The following WDR19 variants were observed in gnomAD, a reference collection of about 807,000 sequenced individuals.
WDR19 encodes the protein WD repeat-containing protein 19.
Under a neutral mutation model 180.0 loss-of-function variants are expected in WDR19, and 121 were observed. The ratio of observed to expected loss-of-function variants is 0.67; its 90% CI spans 0.58 to 0.78. WDR19 has a LOEUF of 0.78. WDR19 is among the 30% of genes least tolerant of loss of function. The pLI, the probability that WDR19 is intolerant of heterozygous loss-of-function variation, is 0.00. For missense variants in WDR19, 1,450 were observed against 1,640.7 expected (o/e 0.88, Z 2.01); for synonymous variants, 497 against 540.7 (o/e 0.92, Z 1.12).
intron 36 of WDR19, among the ~76,000 whole-genome samples, chr4:39,281,236 T>G (rs4524397): frequency 0.51 from 53,094 of 103,898 alleles, 13,879 homozygotes; most frequent in Admixed American, 0.55. Flanking sequence ...TATATATATA[T>G]AGAGAGAGAG....
chr4:39,264,966 G>A (rs1440580950), intron 28 of WDR19, among the ~76,000 whole-genome samples: 1 of 147,550 alleles, frequency 6.8e-6, no homozygotes, highest in Non-Finnish European at 1.5e-5. Flanking sequence ...CGCCCAGGCC[G>A]GAGTGCAGGG....
rs540566663 is a variant in WDR19 at position 39,186,760 on chromosome 4, A to G, written c.164+156A>G. ...AGCCATAAGTAGTTATGAAATATGT[A>G]GAGATATAGCATGAATTAGAGTTTC... On this transcript the variant is annotated intron_variant, in intron 3 of 36. Transcript: ENST00000399820. 2.6e-4 allele frequency among the ~76,000 whole-genome samples: 40 copies of G among 152,324 alleles called. No individual in the cohort carries two copies. In the East Asian group the frequency reaches 6.9e-3, roughly 26 times the overall value.
chr4:39,228,113 A>C (rs1730465752), intron 15 of WDR19, 97 bp from the exon 16 acceptor site: 4 of 1,385,124 alleles, frequency 2.9e-6, no homozygotes, highest in Non-Finnish European at 4.0e-6. Context: ...TGACTCAGTA[A>C]GCTAAGCCAG....
chr4:39,281,325 A>G (rs1169207983), intron 36 of WDR19, among the ~76,000 whole-genome samples: 1 of 151,242 alleles, frequency 6.6e-6, no homozygotes. Flanking sequence ...TAGATCTGCA[A>G]TTTATCTTGA....
Position 39,194,529 on chromosome 4 carries a change from A to G in WDR19, c.291-15A>G. On this transcript the variant is annotated splice_polypyrimidine_tract_variant and intron_variant, in intron 4 of 36. Coordinates refer to ENST00000399820, the MANE Select transcript of WDR19 (RefSeq NM_025132.4). The stretch of plus-strand genomic sequence containing the variant: ...GATCGTGAATTGTTTAGTAATTTAT[A>G]TCTTAATGTTACAGGGATCAAATGT... The G allele has an allele frequency of 6.4e-7, 1 of 1,550,908 alleles. No homozygotes were observed. Among genetic ancestry groups the G allele is most frequent in the Non-Finnish European group, 8.9e-7 (1 of 1,129,176 alleles).
chr4:39,194,730 G>A (rs1346981716), intron 5 of WDR19, 71 bp downstream of exon 5: 8 of 1,222,614 alleles, frequency 6.5e-6, no homozygotes, highest in South Asian at 4.0e-5. Flanking sequence ...GCCGCCTCAG[G>A]TTTCCCTGAT....
At chr4:39,252,911 G>A (rs1733384680) in intron 24 of WDR19, among the ~76,000 whole-genome samples, 2 of 152,002 alleles carry the variant, frequency 1.3e-5, no homozygotes, top group Admixed American at 1.3e-4. Flanking sequence ...ATATAGCTTT[G>A]ATTCAGATGG....
At chr4:39,254,573 A>AT (rs547365543) in intron 26 of WDR19, among the ~76,000 whole-genome samples, 216 of 152,020 alleles carry the variant, frequency 1.4e-3, no homozygotes, top group Non-Finnish European at 2.5e-3. Flanking sequence ...TAATTTTCAG[A>AT]TTTTCATTTC....
chr4:39,284,302 C>T (rs1736906835), intron 36 of WDR19, among the ~76,000 whole-genome samples: 1 of 147,064 alleles, frequency 6.8e-6, no homozygotes, highest in South Asian at 2.2e-4. Flanking sequence ...TTCTAGTTCA[C>T]TGACCTTTCT....
In WDR19 at chr4:39,253,093, T is replaced by C. The variant is rs1733402904; in HGVS notation, c.2730-53T>C. On this transcript the variant is annotated intron_variant, in intron 24 of 36. Transcript: ENST00000399820. ...GTGTCCTAAACATTTATCAACATTT[T>C]CTCCCCAAATTGACAGTGTTAAAAA... 3.3e-6 allele frequency: 5 copies of C among 1,507,396 alleles called. No homozygotes were observed. The East Asian group carries it at 7.2e-5, about 22-fold the overall frequency. 93.4% of individuals were successfully genotyped at this position (1,507,396 alleles called of 1,614,324 possible).
chr4:39,204,016 A>AT, intron 7 of WDR19, among the ~76,000 whole-genome samples: 1 of 151,942 alleles, frequency 6.6e-6, no homozygotes, highest in Middle Eastern at 3.4e-3. Flanking sequence ...TAATTCATAT[A>AT]TTATTTTTAA....
At chr4:39,209,711 CAAA>C (rs71192833) in intron 9 of WDR19, among the ~76,000 whole-genome samples, 2 of 108,682 alleles carry the variant, frequency 1.8e-5, no homozygotes, top group Admixed American at 9.4e-5. Context: ...GACTCTGTCT[CAAA>C]AAAAAAAAAA....
intron 1 of WDR19, 63 bp from the exon 2 acceptor site, chr4:39,185,663 C>A (rs1208923510): frequency 2.1e-6 from 3 of 1,453,878 alleles, no homozygotes; most frequent in African/African-American, 1.4e-5. Context: ...TGTTTTGATA[C>A]CTTTTCTGAT....
At chr4:39,261,938 A>T (rs1411924178) in intron 28 of WDR19, among the ~76,000 whole-genome samples, 1 of 151,976 alleles carries the variant, frequency 6.6e-6, no homozygotes, top group African/African-American at 2.4e-5. Flanking sequence ...TTACTACTGG[A>T]TTTTTTTTCA....
At chr4:39,220,595 C>A (rs1330163378) in intron 14 of WDR19, among the ~76,000 whole-genome samples, 1 of 91,434 alleles carries the variant, frequency 1.1e-5, no homozygotes, top group Non-Finnish European at 1.9e-5. Context: ...GAGACAGAGT[C>A]TCTCTCTGTC....
chr4:39,262,921 A>G (rs1396332025), intron 28 of WDR19, among the ~76,000 whole-genome samples: 1 of 151,788 alleles, frequency 6.6e-6, no homozygotes, highest in Non-Finnish European at 1.5e-5. Context: ...TTTCTTGGGG[A>G]CCTTCCCCTG....
intron 28 of WDR19, among the ~76,000 whole-genome samples, chr4:39,259,700 T>G (rs1369308211): frequency 6.6e-6 from 1 of 152,224 alleles, no homozygotes; most frequent in Non-Finnish European, 1.5e-5. Flanking sequence ...ATACTGCTAT[T>G]AACATTTGTG....
At chr4:39,204,070 G>A (rs191656405) in intron 7 of WDR19, among the ~76,000 whole-genome samples, 2 of 150,856 alleles carry the variant, frequency 1.3e-5, no homozygotes, top group East Asian at 3.9e-4. Context: ...TCTTGAAGTT[G>A]TAGGCTTGTT....
At chr4:39,233,883 A>G (rs1006185357) in intron 19 of WDR19, among the ~76,000 whole-genome samples, 6 of 152,140 alleles carry the variant, frequency 3.9e-5, no homozygotes, top group Admixed American at 3.9e-4. Flanking sequence ...CTTGGAAAGG[A>G]TTTGAGGTAA....
Sources: allele counts gnomAD v4.1 joint callset (sites outside exome capture counted in the v4.1 genomes callset), GRCh38; gene constraint gnomAD v4.1.1; transcripts MANE v1.5; gene names NCBI Gene and HGNC (gene_info 2026-07-23, HGNC 2026-07-21).